The following CAMK2B variants were observed in gnomAD, a reference collection of about 807,000 sequenced individuals.
CAMK2B encodes the protein calcium/calmodulin dependent protein kinase II beta.
In CAMK2B, 27 loss-of-function variants were observed where a neutral mutation model predicts 93.7. The ratio of observed to expected loss-of-function variants is 0.29; its 90% CI spans 0.21 to 0.40. The LOEUF is 0.40. Among genes scored for constraint, CAMK2B ranks in the 10% least tolerant of loss-of-function variants. CAMK2B has a pLI of 1.00. For missense variants in CAMK2B, 568 were observed against 895.8 expected (o/e 0.63, Z 4.67); for synonymous variants, 374 against 358.8 (o/e 1.04, Z -0.48).
chr7:44,220,765 G>A lies in CAMK2B; in HGVS notation c.1674-55C>T, dbSNP rs920275601. On this transcript the variant is annotated intron_variant, in intron 21 of 23. Transcript: ENST00000395749. ...CCCGTGGACCCCTGACTCTGAGCAG[G>A]CCCCCCCAAGGGTCCCACATCCTTG... The A allele has an allele frequency of 3.8e-6, 6 of 1,564,476 alleles. No individual in the cohort carries two copies. In the Admixed American group the frequency reaches 7.5e-5, roughly 19 times the overall value.
intron 2 of CAMK2B, among the ~76,000 whole-genome samples, chr7:44,275,525 G>A (rs2097026405): frequency 6.6e-6 from 1 of 152,240 alleles, no homozygotes; most frequent in Non-Finnish European, 1.5e-5. Context: ...GCTGAGCATT[G>A]CCAGATAAAA....
chr7:44,258,511 C>A (rs996115628), intron 4 of CAMK2B, among the ~76,000 whole-genome samples: 1 of 152,232 alleles, frequency 6.6e-6, no homozygotes, highest in African/African-American at 2.4e-5. Context: ...GTGCCCCAGT[C>A]CAGCTGGGAT....
chr7:44,232,068 C>A (rs1235729759), intron 16 of CAMK2B, among the ~76,000 whole-genome samples: 1 of 152,218 alleles, frequency 6.6e-6, no homozygotes, highest in African/African-American at 2.4e-5. Context: ...GGGAAGAATG[C>A]CCAGGCCCTG....
At chr7:44,313,403 G>A (rs187804250) in intron 1 of CAMK2B, among the ~76,000 whole-genome samples, 10 of 151,940 alleles carry the variant, frequency 6.6e-5, no homozygotes, top group African/African-American at 2.4e-4. Context: ...CTGCAGTAAT[G>A]GGAAGCTACA....
intron 1 of CAMK2B, 57 bp downstream of exon 1, chr7:44,325,300 C>G: frequency 9.7e-7 from 1 of 1,034,166 alleles, no homozygotes; most frequent in Non-Finnish European, 1.2e-6. Flanking sequence ...CGGAGGGTCC[C>G]GGAGGTCCCG....
At chr7:44,291,957 A>G (rs1786964904) in intron 1 of CAMK2B, among the ~76,000 whole-genome samples, 2 of 152,242 alleles carry the variant, frequency 1.3e-5, no homozygotes, top group African/African-American at 4.8e-5. Flanking sequence ...AACAAGAGCT[A>G]AAGTCTTAAC....
At chr7:44,268,236 G>T (rs944415703) in intron 2 of CAMK2B, 12 of 152,428 alleles carry the variant, frequency 7.9e-5, no homozygotes, top group African/African-American at 2.9e-4. Context: ...TCTCGCTGAA[G>T]CGCAGGGGCT....
intron 2 of CAMK2B, 96 bp downstream of exon 2, chr7:44,284,035 A>T: frequency 1.2e-6 from 1 of 869,088 alleles, no homozygotes; most frequent in South Asian, 1.5e-5. Context: ...GCTGGCCAAG[A>T]CTGGGAGGGG....
At chr7:44,240,307 C>A (rs995197422) in intron 12 of CAMK2B, among the ~76,000 whole-genome samples, 1 of 152,206 alleles carries the variant, frequency 6.6e-6, no homozygotes, top group South Asian at 2.1e-4. Flanking sequence ...CCGAGCCTCC[C>A]GCATCACCCC....
Position 44,232,814 on chromosome 7 carries a change from G to A in CAMK2B, c.1176+8C>T, listed in dbSNP as rs730951. ...GGGGAAAGCGGGAGGAGGAAAGTGG[G>A]GCAGTACCTTAATCCCGTCCACTGG... On this transcript the variant is annotated splice_region_variant and intron_variant, in intron 16 of 23. Coordinates refer to ENST00000395749, the MANE Select transcript of CAMK2B (RefSeq NM_001220.5). 25,727 of 1,613,576 alleles carry A rather than the reference G, an allele frequency of 0.016. 268 individuals carry two copies. The highest frequency in any genetic ancestry group is 0.025 in the South Asian group (2,294 of 91,064).
chr7:44,305,339 C>G (rs2115618505), intron 1 of CAMK2B, among the ~76,000 whole-genome samples: 1 of 152,290 alleles, frequency 6.6e-6, no homozygotes, highest in Non-Finnish European at 1.5e-5. Context: ...TCTCCCCTAG[C>G]CAGGCACAGT....
intron 1 of CAMK2B, among the ~76,000 whole-genome samples, chr7:44,290,033 G>A (rs901918102): frequency 4.6e-5 from 7 of 152,206 alleles, no homozygotes; most frequent in Non-Finnish European, 7.3e-5. Context: ...GTCGGTTGCA[G>A]TTCACAGGCA....
intron 3 of CAMK2B, among the ~76,000 whole-genome samples, chr7:44,262,053 C>T (rs1271903089): frequency 6.6e-6 from 1 of 152,250 alleles, no homozygotes; most frequent in Non-Finnish European, 1.5e-5. Context: ...TGCCCCTCTG[C>T]CCAGCTCATT....
intron 2 of CAMK2B, among the ~76,000 whole-genome samples, chr7:44,267,354 C>T (rs189242221): frequency 5.3e-4 from 81 of 152,300 alleles, no homozygotes; most frequent in African/African-American, 1.7e-3. Flanking sequence ...CCTGTGGAGA[C>T]TCAAGAGGTG....
At chr7:44,237,602 G>T (rs917751838) in intron 13 of CAMK2B, among the ~76,000 whole-genome samples, 6 of 152,220 alleles carry the variant, frequency 3.9e-5, no homozygotes, top group African/African-American at 1.4e-4. Context: ...TTTTTGGGGG[G>T]CTGCTCATTT....
chr7:44,300,818 G>A (rs1413482682), intron 1 of CAMK2B, among the ~76,000 whole-genome samples: 4 of 152,064 alleles, frequency 2.6e-5, no homozygotes, highest in South Asian at 2.1e-4. Flanking sequence ...ATCCAACAAC[G>A]GCAGAATACA....
At position 44,271,227 on chromosome 7, in the gene CAMK2B, T is replaced by C. The variant is rs1025195405; in HGVS notation, c.161-8163A>G. ...AGCCACCATCTGGCCCTCTAGACTC[T>C]TAAACAGCTCGCCAACATCCACATC... On this transcript the variant is annotated intron_variant, in intron 2 of 23. Coordinates refer to ENST00000395749, the MANE Select transcript of CAMK2B (RefSeq NM_001220.5). The surrounding 1 kb of genome is among the most constrained non-coding windows in gnomAD (Gnocchi z 4.2). 1.3e-5 allele frequency among the ~76,000 whole-genome samples: 2 copies of C among 152,176 alleles called. No individual in the cohort carries two copies. The highest frequency in any genetic ancestry group is 1.3e-4 in the Admixed American group (2 of 15,274).
intron 11 of CAMK2B, among the ~76,000 whole-genome samples, chr7:44,241,004 C>A (rs549011781): frequency 2.0e-5 from 3 of 152,310 alleles, no homozygotes; most frequent in East Asian, 3.9e-4. Context: ...TGCTTCAAGA[C>A]CCCTCAAGCC....
At chr7:44,309,040 C>T (rs1258500513) in intron 1 of CAMK2B, among the ~76,000 whole-genome samples, 2 of 152,210 alleles carry the variant, frequency 1.3e-5, no homozygotes, top group Non-Finnish European at 2.9e-5. Flanking sequence ...GAAACGGACC[C>T]CAGAGCCCTG....
Sources: allele counts gnomAD v4.1 joint callset (sites outside exome capture counted in the v4.1 genomes callset), GRCh38; gene constraint gnomAD v4.1.1; non-coding constraint Gnocchi (gnomAD v3.1); transcripts MANE v1.5; gene names NCBI Gene and HGNC (gene_info 2026-07-23, HGNC 2026-07-21).